The following RAB39A variants were observed in gnomAD, a reference collection of about 807,000 sequenced individuals.
RAB39A encodes ras-related protein Rab-39A.
Under a neutral mutation model 20.9 loss-of-function variants are expected in RAB39A, and 17 were observed. The observed-to-expected ratio is 0.81, with a 90% CI of 0.56 to 1.22. RAB39A has a LOEUF of 1.22. RAB39A is among the 50% of genes most tolerant of loss of function. RAB39A has a pLI of 0.00. For synonymous variants in RAB39A, 99 were observed against 103.4 expected (o/e 0.96, Z 0.26); for missense variants, 234 against 270.5 (o/e 0.87, Z 0.95).
chr11:107,933,987 T>C (rs1861167071), intron 1 of RAB39A, among the ~76,000 whole-genome samples: 1 of 152,178 alleles, frequency 6.6e-6, no homozygotes, highest in Non-Finnish European at 1.5e-5. Context: ...CATTCTGTGA[T>C]CAAGTAAGTT....
intron 1 of RAB39A, among the ~76,000 whole-genome samples, chr11:107,948,219 G>A (rs942155875): frequency 1.3e-5 from 2 of 152,126 alleles, no homozygotes; most frequent in Admixed American, 1.3e-4. Flanking sequence ...GGAAATAAAC[G>A]TCTTACAATA....
chr11:107,958,093 T>A (rs747643869), intron 1 of RAB39A, among the ~76,000 whole-genome samples: 1 of 152,108 alleles, frequency 6.6e-6, no homozygotes, highest in African/African-American at 2.4e-5. Context: ...GGTTTCACCA[T>A]GTTGGCCAGG....
intron 1 of RAB39A, among the ~76,000 whole-genome samples, chr11:107,935,951 G>C (rs951606508): frequency 6.7e-6 from 1 of 148,182 alleles, no homozygotes; most frequent in African/African-American, 2.5e-5. Flanking sequence ...TGTCACCCAG[G>C]CTGGAGGGCA....
At chr11:107,961,881 T>G in intron 1 of RAB39A, 65 bp from the exon 2 acceptor site, 1 of 1,234,486 alleles carries the variant, frequency 8.1e-7, no homozygotes, top group Non-Finnish European at 1.1e-6. Flanking sequence ...TGGTGCTAGA[T>G]TGTTGGAAGG....
At chr11:107,944,115 A>G (rs926508786) in intron 1 of RAB39A, among the ~76,000 whole-genome samples, 6 of 152,034 alleles carry the variant, frequency 3.9e-5, no homozygotes, top group Non-Finnish European at 7.4e-5. Context: ...AAAAATAATA[A>G]TAGTAGTCCA....
At chr11:107,953,639 G>A (rs1013443963) in intron 1 of RAB39A, among the ~76,000 whole-genome samples, 2 of 152,162 alleles carry the variant, frequency 1.3e-5, no homozygotes, top group Non-Finnish European at 2.9e-5. Flanking sequence ...TATCAGCAAA[G>A]TTCAGAGTCA....
intron 1 of RAB39A, among the ~76,000 whole-genome samples, chr11:107,948,861 A>G (rs1412052974): frequency 6.6e-6 from 1 of 152,090 alleles, no homozygotes; most frequent in Non-Finnish European, 1.5e-5. Flanking sequence ...CACTTAGGTT[A>G]CTCTGACCAT....
At chr11:107,933,377 CTTTTTTTTTT>C (rs71047649) in intron 1 of RAB39A, among the ~76,000 whole-genome samples, 5 of 73,062 alleles carry the variant, frequency 6.8e-5, no homozygotes, top group Non-Finnish European at 8.9e-5. Context: ...TTTATTCTTT[CTTTTTTTTTT>C]TTTTTTTTTT....
chr11:107,935,444 G>A (rs548539456), intron 1 of RAB39A, among the ~76,000 whole-genome samples: 49 of 150,718 alleles, frequency 3.3e-4, no homozygotes, highest in African/African-American at 1.0e-3. Flanking sequence ...GTGCGATCTC[G>A]GCTCACTGCA....
chr11:107,934,656 G>A (rs536320861), intron 1 of RAB39A, among the ~76,000 whole-genome samples: 1 of 152,142 alleles, frequency 6.6e-6, no homozygotes, highest in Non-Finnish European at 1.5e-5. Flanking sequence ...GCCGGGCGTG[G>A]TGGCTCACAC....
At chr11:107,945,414 T>G (rs1202209400) in intron 1 of RAB39A, among the ~76,000 whole-genome samples, 1 of 150,788 alleles carries the variant, frequency 6.6e-6, no homozygotes, top group Non-Finnish European at 1.5e-5. Context: ...GAAACCTTAC[T>G]AAAATGACAA....
intron 1 of RAB39A, among the ~76,000 whole-genome samples, chr11:107,946,343 C>CACATAT (rs1237320187): frequency 1.3e-3 from 151 of 118,428 alleles, no homozygotes; most frequent in African/African-American, 4.7e-3. Flanking sequence ...CACACACACA[C>CACATAT]ATATATATAC....
chr11:107,946,576 C>T (rs1259389795), intron 1 of RAB39A, among the ~76,000 whole-genome samples: 1 of 144,446 alleles, frequency 6.9e-6, no homozygotes, highest in African/African-American at 2.6e-5. Flanking sequence ...GGGTTCACGC[C>T]ATTCTCCTGC....
At chr11:107,949,733 A>T (rs868786989) in intron 1 of RAB39A, among the ~76,000 whole-genome samples, 13 of 152,358 alleles carry the variant, frequency 8.5e-5, no homozygotes, top group South Asian at 8.3e-4. Context: ...CACCTTGAAA[A>T]CAATTAGTGA....
intron 1 of RAB39A, among the ~76,000 whole-genome samples, chr11:107,938,846 C>T (rs1472319301): frequency 2.6e-5 from 4 of 152,078 alleles, no homozygotes; most frequent in African/African-American, 4.8e-5. Flanking sequence ...GCTAGCCAGA[C>T]ATTTGAAAAC....
chr11:107,946,343 CAT>C (rs1555097274), intron 1 of RAB39A, among the ~76,000 whole-genome samples: 36 of 118,424 alleles, frequency 3.0e-4, no homozygotes, highest in Admixed American at 1.0e-3. Flanking sequence ...CACACACACA[CAT>C]ATATATACAC....
At chr11:107,960,588 G>A (rs6588985) in intron 1 of RAB39A, among the ~76,000 whole-genome samples, 89,107 of 152,058 alleles carry the variant, frequency 0.59, 26,482 homozygotes, top group East Asian at 0.71. Flanking sequence ...TTGTAGGTTA[G>A]CCGAAAAGAG....
Position 107,962,893 on chromosome 11 carries a change from C to T in RAB39A, c.*521C>T, listed in dbSNP as rs1200873506. ...CCATTCTCTGGAAATGTTTGTCCTC[C>T]CTTAATTTTGCCTCAACACAAGAAA... On this transcript the variant is annotated 3_prime_UTR_variant, in exon 2 of 2. Transcript: ENST00000320578. 1 of 152,164 alleles carries T rather than the reference C, an allele frequency of 6.6e-6. No homozygotes were observed. The highest frequency in any genetic ancestry group is 2.4e-5 in the African/African-American group (1 of 41,410). 9.4% of individuals were successfully genotyped at this position (152,164 alleles called of 1,614,324 possible). A position where few individuals can be genotyped will look rare whatever the true frequency, so the allele number is the denominator to read the frequency against.
chr11:107,946,715 C>G (rs910921510), intron 1 of RAB39A, among the ~76,000 whole-genome samples: 24 of 150,936 alleles, frequency 1.6e-4, no homozygotes, highest in Admixed American at 5.9e-4. Flanking sequence ...ACCTCATGAT[C>G]CGCCCACCTC....
Sources: allele counts gnomAD v4.1 joint callset (sites outside exome capture counted in the v4.1 genomes callset), GRCh38; gene constraint gnomAD v4.1.1; transcripts MANE v1.5; gene names NCBI Gene and HGNC (gene_info 2026-07-23, HGNC 2026-07-21).